NFATC3: variants seen among roughly 807,000 people sequenced by gnomAD.
NFATC3 encodes the protein nuclear factor of activated T cells 3.
In NFATC3, 46 loss-of-function variants were observed where a neutral mutation model predicts 98.6. The observed-to-expected ratio is 0.47, with a 90% CI of 0.37 to 0.60. NFATC3 has a LOEUF of 0.60. NFATC3 is among the 20% of genes least tolerant of loss of function. The pLI is 0.00. For missense variants in NFATC3, 1,256 were observed against 1,295.5 expected (o/e 0.97, Z 0.47); for synonymous variants, 512 against 472.2 (o/e 1.08, Z -1.09).
rs1311719616 is a variant in NFATC3, at chr16:68,109,412, T to C, written c.104-12575T>C. On this transcript the variant is annotated intron_variant, in intron 1 of 9. Coordinates refer to ENST00000346183, the MANE Select transcript of NFATC3 (RefSeq NM_173165.3). ...AATATGTTGAACCAGCCTTGCATTC[T>C]GGGAATGAAGCTGACTTGATCCTGG... is the stretch of plus-strand genomic sequence containing the variant. Among the ~76,000 whole-genome samples, 4 of 152,336 alleles carry C rather than the reference T, an allele frequency of 2.6e-5. No homozygotes were observed. In the East Asian group the frequency reaches 7.7e-4, roughly 29 times the overall value.
At chr16:68,168,475 T>G (rs947838753) in intron 5 of NFATC3, among the ~76,000 whole-genome samples, 3 of 100,440 alleles carry the variant, frequency 3.0e-5, no homozygotes, top group Non-Finnish European at 5.9e-5. Flanking sequence ...TATTCTTTTA[T>G]TATTATTATT....
Position 68,226,936 on chromosome 16 carries a change from AAAGAAAAAAAG to A in NFATC3, c.*468_*478del, listed in dbSNP as rs2042052495. The A allele has an allele frequency of 1.4e-5, 2 of 146,022 alleles. No individual in the cohort carries two copies. The highest frequency in any genetic ancestry group is 2.0e-4 in the East Asian group (1 of 5,026). 9.0% of individuals were successfully genotyped at this position (146,022 alleles called of 1,614,324 possible). A position where few individuals can be genotyped will look rare whatever the true frequency, so the allele number is the denominator to read the frequency against. ...AAAAAAAAAAAAAGAAAAAAAAAGA[AAAGAAAAAAAG>A]AAAAAGAAAAAAATATCCCAAGCCC... is the stretch of plus-strand genomic sequence containing the variant. On this transcript the variant is annotated 3_prime_UTR_variant, in exon 10 of 10. Coordinates refer to ENST00000346183, the MANE Select transcript of NFATC3 (RefSeq NM_173165.3).
chr16:68,121,248 T>C (rs191782309), intron 1 of NFATC3, among the ~76,000 whole-genome samples: 5,529 of 146,216 alleles, frequency 0.038, 114 homozygotes, highest in Middle Eastern at 0.14. Flanking sequence ...TTTTCTTTTT[T>C]TTTTTTTTTT....
chr16:68,135,007 A>G (rs1475500158), intron 3 of NFATC3, among the ~76,000 whole-genome samples: 1 of 151,806 alleles, frequency 6.6e-6, no homozygotes, highest in East Asian at 1.9e-4. Context: ...GTTTATGGTT[A>G]GGAAGTGTAG....
intron 8 of NFATC3, among the ~76,000 whole-genome samples, chr16:68,185,562 T>A (rs543217825): frequency 6.6e-6 from 1 of 152,028 alleles, no homozygotes; most frequent in Non-Finnish European, 1.5e-5. Flanking sequence ...ACTTACTACC[T>A]TATAATGGTA....
chr16:68,086,673 C>T (rs2034396562), intron 1 of NFATC3: 1 of 985,190 alleles, frequency 1.0e-6, no homozygotes, highest in Admixed American at 6.2e-5. Context: ...TAAGAGTAAT[C>T]CCTATTTTTT....
rs1212985263 is a variant in NFATC3, at chr16:68,135,233, C to T, written c.1401+8623C>T. Among the ~76,000 whole-genome samples the T allele has an allele frequency of 4.6e-5, 7 of 151,634 alleles. No homozygotes were observed. The South Asian group carries it at 6.2e-4, about 13-fold the overall frequency. ...CAGCAATATGGGAGGCCGAGATGGA[C>T]GGATCATAAGGTCAGGAGATTGAGA... On this transcript the variant is annotated intron_variant, in intron 3 of 9. Transcript: ENST00000346183.
chr16:68,212,666 G>C (rs1359483813), intron 9 of NFATC3: 1 of 151,606 alleles, frequency 6.6e-6, no homozygotes, highest in East Asian at 1.9e-4. Flanking sequence ...ATTATGTTGT[G>C]ACCCAGTACA....
intron 4 of NFATC3, among the ~76,000 whole-genome samples, chr16:68,164,090 A>G (rs1000321957): frequency 3.9e-4 from 60 of 152,154 alleles, no homozygotes; most frequent in Admixed American, 9.2e-4. Flanking sequence ...AGATCACGCC[A>G]CTGCACTCCA....
chr16:68,149,191 T>G, intron 3 of NFATC3, among the ~76,000 whole-genome samples: 1 of 150,260 alleles, frequency 6.7e-6, no homozygotes, highest in East Asian at 2.0e-4. Context: ...TAAAATGGGG[T>G]GGGGGCGGAA....
chr16:68,173,474 GGA>G (rs1212399131), intron 5 of NFATC3, among the ~76,000 whole-genome samples: 1 of 152,116 alleles, frequency 6.6e-6, no homozygotes, highest in East Asian at 1.9e-4. Context: ...GACTGAGGCA[GGA>G]GAATCACTTG....
At chr16:68,086,565 G>A (rs558918062) in intron 1 of NFATC3, 3 of 802,566 alleles carry the variant, frequency 3.7e-6, no homozygotes, top group South Asian at 5.7e-5. Context: ...GGATGACTGG[G>A]GACTTAGAGC....
rs558521748 is a variant in NFATC3, at chr16:68,121,249, T to C, written c.104-738T>C. 2.4e-4 allele frequency among the ~76,000 whole-genome samples: 35 copies of C among 147,022 alleles called. No individual in the cohort carries two copies. In the East Asian group the frequency reaches 2.9e-3, roughly 12 times the overall value. On this transcript the variant is annotated intron_variant, in intron 1 of 9. Transcript: ENST00000346183. ...TCTCATTTCTTTTCTTTTCTTTTTTTTTTTTTTTTTTTTTTGAGACGGAGT... is the reference window on the plus strand; with the variant it reads ...TCTCATTTCTTTTCTTTTCTTTTTTCTTTTTTTTTTTTTTTGAGACGGAGT...
chr16:68,184,845 C>CAG (rs113726439), intron 8 of NFATC3, among the ~76,000 whole-genome samples: 27,780 of 151,742 alleles, frequency 0.18, 2,895 homozygotes, highest in African/African-American at 0.28. Flanking sequence ...AAAAAACACA[C>CAG]AAATAGTTTT....
chr16:68,112,936 C>G (rs1478069048), intron 1 of NFATC3, among the ~76,000 whole-genome samples: 2 of 152,166 alleles, frequency 1.3e-5, no homozygotes, highest in Non-Finnish European at 2.9e-5. Context: ...TCAGCTCAAT[C>G]AGGTCATTTA....
intron 1 of NFATC3, among the ~76,000 whole-genome samples, chr16:68,121,610 C>CT (rs1358972374): frequency 6.9e-6 from 1 of 145,544 alleles, no homozygotes; most frequent in African/African-American, 2.6e-5. Flanking sequence ...GAGGTTGAGG[C>CT]TTTAGTGAGC....
At position 68,226,450 on chromosome 16, in the gene NFATC3, A is replaced by C. The variant is rs1354300507; in HGVS notation, c.3207A>C (p.Leu1069Phe). The C allele has an allele frequency of 6.4e-7, 1 of 1,555,134 alleles. No individual in the cohort carries two copies. Among genetic ancestry groups the C allele is most frequent in the African/African-American group, 1.4e-5 (1 of 70,706 alleles). ...TCCCGAGTCCTGAGTCCCTGGATTT[A>C]GGAAGATCTGATGGGCTCTAACAGT... ...APLPSPESLD[L>F]GRSDGL Residue 1069 changes from leucine to phenylalanine, a missense_variant, in exon 10 of 10, where the codon TTA becomes TTC. Transcript: ENST00000346183.
At chr16:68,196,318 G>A (rs1425442384) in intron 9 of NFATC3, among the ~76,000 whole-genome samples, 3 of 151,946 alleles carry the variant, frequency 2.0e-5, no homozygotes, top group South Asian at 2.1e-4. Context: ...ACGGGGTTTC[G>A]CCATGTTGGC....
chr16:68,102,332 A>C (rs934145340), intron 1 of NFATC3, among the ~76,000 whole-genome samples: 9 of 137,210 alleles, frequency 6.6e-5, no homozygotes, highest in Non-Finnish European at 1.4e-4. Flanking sequence ...AGATTGCACT[A>C]CTGCACTCCA....
Sources: allele counts gnomAD v4.1 joint callset (sites outside exome capture counted in the v4.1 genomes callset), GRCh38; gene constraint gnomAD v4.1.1; transcripts MANE v1.5; gene names NCBI Gene and HGNC (gene_info 2026-07-23, HGNC 2026-07-21).